Variants in HDGF observed in about 807,000 individuals in gnomAD.
The protein encoded by HDGF is heparin binding growth factor, also known as hepatoma-derived growth factor.
HDGF carries 5 observed loss-of-function variants against 30.0 expected under a neutral mutation model. The ratio of observed to expected loss-of-function variants is 0.17; its 90% CI spans 0.09 to 0.35. HDGF has a LOEUF of 0.35. HDGF is among the 10% of genes least tolerant of loss of function. The probability of loss-of-function intolerance (pLI) is 1.00; values close to 1 mark genes in which losing one functional copy is unlikely to be tolerated. For missense variants in HDGF, 214 were observed against 302.8 expected (o/e 0.71, Z 2.18); for synonymous variants, 133 against 112.7 (o/e 1.18, Z -1.14).
At chr1:156,748,551 G>A (rs1379516787) in intron 1 of HDGF, among the ~76,000 whole-genome samples, 6 of 152,164 alleles carry the variant, frequency 3.9e-5, no homozygotes, top group African/African-American at 9.7e-5. Flanking sequence ...TTATTCTTAG[G>A]CCTTGCATTT....
upstream of HDGF, among the ~76,000 whole-genome samples, chr1:156,767,214 C>T (rs1651414031): frequency 6.6e-6 from 1 of 152,158 alleles, no homozygotes; most frequent in Non-Finnish European, 1.5e-5. Context: ...TCTTAGTGGC[C>T]AAGGGGCTAC....
In HDGF at chr1:156,743,814, A is replaced by G. The variant is rs1650309492; in HGVS notation, c.554T>C (p.Leu185Ser). 1.2e-6 allele frequency: 2 copies of G among 1,611,560 alleles called. No homozygotes were observed. The highest frequency in any genetic ancestry group is 3.4e-5 in the Admixed American group (2 of 59,600). ...PEGEEKEAATLEVERPLPMEV... is the reference protein window; with the variant it reads ...PEGEEKEAATSEVERPLPMEV... Reference sequence around the variant, plus strand: ...CATAGGAAGGGGCCTCTCAACCTCCAAGGTGGCTGCCTCCTTCTCCTCTCC... The same window carrying G: ...CATAGGAAGGGGCCTCTCAACCTCCGAGGTGGCTGCCTCCTTCTCCTCTCC... The change falls in exon 5 of 6, where the codon TTG (leucine) becomes TCG (serine). Residue 185 changes from leucine (L) to serine (S), a missense_variant. Leu to Ser is a moderately radical substitution (Grantham distance 145, BLOSUM62 -2). Around this residue, in one of 2 missense-constraint regions of HDGF, gnomAD observed 176 missense variants for 211.7 expected, o/e 0.83. Transcript: ENST00000357325.
At chr1:156,744,037 A>G in intron 4 of HDGF, 126 bp downstream of exon 4, 2 of 1,096,738 alleles carry the variant, frequency 1.8e-6, no homozygotes, top group South Asian at 2.6e-5. Flanking sequence ...TCAGCTGGGG[A>G]CTCCCCAAGA....
Position 156,751,354 on chromosome 1 carries a change from A to C in HDGF, c.76T>G (p.Trp26Gly), listed in dbSNP as rs748138050. The C allele has an allele frequency of 6.2e-7, 1 of 1,608,476 alleles. No homozygotes were observed. Residue 26 changes from tryptophan to glycine, a missense_variant, in exon 1 of 6, where the codon TGG becomes GGG. Trp to Gly is a radical substitution (Grantham distance 184, BLOSUM62 -2). This residue lies in a region of HDGF where 38 missense variants were observed against 91.1 expected (regional missense o/e 0.42). Coordinates refer to ENST00000357325, the MANE Select transcript of HDGF (RefSeq NM_004494.3). The surrounding 1 kb of genome is among the most constrained non-coding windows in gnomAD (Gnocchi z 4.7). ...VFAKMKGYPHWPARIDEMPEA... is the reference protein window; with the variant it reads ...VFAKMKGYPHGPARIDEMPEA... ...GCCGCGCTGCTCACCCGGGCCGGCC[A>C]GTGTGGGTAGCCCTTCATCTTGGCG... is the stretch of plus-strand genomic sequence containing the variant.
At chr1:156,764,826 C>T (rs11264540) in intron 1 of HDGF, among the ~76,000 whole-genome samples, 1 of 148,270 alleles carries the variant, frequency 6.7e-6, no homozygotes, top group Non-Finnish European at 1.5e-5. Context: ...GTGGAGGTTG[C>T]GGTGAGCCAA....
intron 1 of HDGF, among the ~76,000 whole-genome samples, chr1:156,749,487 G>A (rs1444842557): frequency 6.6e-6 from 1 of 152,214 alleles, no homozygotes; most frequent in Non-Finnish European, 1.5e-5. Context: ...GACAGGCAAA[G>A]TGTGGGGCCC....
chr1:156,750,330 C>T (rs1276703905), intron 1 of HDGF, among the ~76,000 whole-genome samples: 2 of 152,152 alleles, frequency 1.3e-5, no homozygotes, highest in East Asian at 1.9e-4. Flanking sequence ...AAATGCACTG[C>T]CCCCGCATCC....
intron 1 of HDGF, among the ~76,000 whole-genome samples, chr1:156,763,879 C>T (rs1245584194): frequency 2.0e-5 from 3 of 151,762 alleles, no homozygotes; most frequent in East Asian, 1.9e-4. Flanking sequence ...TGAGCTACCG[C>T]GCCTGGCCTA....
chr1:156,752,205 C>T (rs977691278), upstream of HDGF: 9 of 1,551,666 alleles, frequency 5.8e-6, no homozygotes, highest in African/African-American at 9.6e-5. Context: ...CACTGGGGTC[C>T]TCTCTGGACC....
At chr1:156,749,319 A>C (rs936270434) in intron 1 of HDGF, among the ~76,000 whole-genome samples, 1 of 152,224 alleles carries the variant, frequency 6.6e-6, no homozygotes, top group Non-Finnish European at 1.5e-5. Context: ...CATCTCAGGA[A>C]GGGCCCCTCA....
At chr1:156,765,263 T>G (rs1369388251) in intron 1 of HDGF, among the ~76,000 whole-genome samples, 1 of 150,266 alleles carries the variant, frequency 6.7e-6, no homozygotes, top group Non-Finnish European at 1.5e-5. Context: ...CGGCTAATTT[T>G]TATATTTTTA....
At chr1:156,765,978 GT>G (rs774420575) in intron 1 of HDGF, among the ~76,000 whole-genome samples, 3 of 152,316 alleles carry the variant, frequency 2.0e-5, no homozygotes, top group Non-Finnish European at 4.4e-5. Context: ...TAACTGAGTA[GT>G]TTCTTACAGA....
chr1:156,759,567 C>T (rs555968674), intron 1 of HDGF, among the ~76,000 whole-genome samples: 3 of 150,992 alleles, frequency 2.0e-5, no homozygotes, highest in Admixed American at 6.7e-5. Flanking sequence ...CTGCAACCTC[C>T]GCCTCCCAGG....
chr1:156,752,361 C>T, upstream of HDGF: 1 of 1,551,616 alleles, frequency 6.4e-7, no homozygotes, highest in Non-Finnish European at 8.7e-7. Context: ...CTTCCGGGTG[C>T]ATTCGATCTC....
chr1:156,752,233 T>G (rs1188466360), upstream of HDGF: 25 of 1,551,672 alleles, frequency 1.6e-5, no homozygotes, highest in East Asian at 5.4e-4. Context: ...GCTTACCGTA[T>G]GGGGGGTGGC....
chr1:156,747,235 TCCCCCCTC>T (rs1650624281), intron 1 of HDGF, among the ~76,000 whole-genome samples: 7 of 18,510 alleles, frequency 3.8e-4, no homozygotes, highest in Admixed American at 5.6e-4. Flanking sequence ...TGACCGCCCC[TCCCCCCTC>T]CCCCCCGCCC....
rs529509914 is a variant in HDGF, at chr1:156,744,489, T to C, written c.304-141A>G. On this transcript the variant is annotated intron_variant, in intron 3 of 5. Transcript: ENST00000357325. Reference sequence around the variant, plus strand: ...CCCAGGTGCCCAGTCTCACGAGTGATTTGAGACCCACCTCTGTCGGATTAG... The same window carrying C: ...CCCAGGTGCCCAGTCTCACGAGTGACTTGAGACCCACCTCTGTCGGATTAG... 566 of 1,572,796 alleles carry C rather than the reference T, an allele frequency of 3.6e-4. 2 individuals carry two copies. In the African/African-American group the frequency reaches 6.4e-3, roughly 18 times the overall value.
upstream of HDGF, among the ~76,000 whole-genome samples, chr1:156,757,159 A>G (rs1176748636): frequency 6.6e-6 from 1 of 150,942 alleles, no homozygotes; most frequent in Non-Finnish European, 1.5e-5. Context: ...TGGCCAACAC[A>G]TGTGGACATT....
chr1:156,755,656 T>G (rs1422288684), upstream of HDGF: 3 of 152,230 alleles, frequency 2.0e-5, no homozygotes, highest in Non-Finnish European at 2.9e-5. Context: ...TTGGCCCAAG[T>G]TACACCCTCT....
Sources: gnomAD v4.1 joint callset for allele counts (sites outside exome capture counted in the v4.1 genomes callset) on GRCh38, gnomAD v4.1.1 for gene constraint, gnomAD v4.1.1 regional missense constraint, Gnocchi (gnomAD v3.1) non-coding constraint, MANE v1.5 for transcripts, NCBI Gene and HGNC (gene_info 2026-07-23, HGNC 2026-07-21) for gene names.